Variants in C1QTNF1 observed in about 807,000 individuals in gnomAD.
C1QTNF1 encodes the protein complement C1q tumor necrosis factor-related protein 1.
A neutral mutation model predicts 27.8 loss-of-function variants in C1QTNF1; 22 were observed. The ratio of observed to expected loss-of-function variants is 0.79; its 90% CI spans 0.56 to 1.13. The LOEUF is 1.13. C1QTNF1 is among the 50% of genes most tolerant of loss of function. C1QTNF1 has a pLI of 0.00. For synonymous variants in C1QTNF1, 166 were observed against 154.3 expected, an observed-to-expected ratio of 1.08 and a Z score of -0.56; for missense variants, 373 against 380.2, an observed-to-expected ratio of 0.98 and a Z score of 0.16.
intron 1 of C1QTNF1, chr17:79,043,745 G>T: frequency 1.5e-6 from 1 of 669,248 alleles, no homozygotes; most frequent in Non-Finnish European, 2.7e-6. Flanking sequence ...GTGTGTGCAC[G>T]TGAGTGCGTC....
chr17:79,028,039 C>T (rs763576309), intron 1 of C1QTNF1, among the ~76,000 whole-genome samples: 8 of 152,222 alleles, frequency 5.3e-5, no homozygotes, highest in East Asian at 1.9e-4. Flanking sequence ...GGACGGCCGT[C>T]GGGACGGCTG....
At position 79,047,639 on chromosome 17, in the gene C1QTNF1, T is replaced by A. The variant is rs1343827907; in HGVS notation, c.397T>A (p.Ser133Thr). The change falls in exon 4 of 4, where the codon TCC becomes ACC. Residue 133 changes from serine (S) to threonine (T), a missense_variant. Transcript: ENST00000579760. The part of the protein sequence containing the change: ...GHTGPKGQKG[S>T]MGAPGERCKS... ...CACTGGACCCAAAGGGCAGAAGGGCTCCATGGGGGCCCCTGGGGAGCGGTG... is the reference window on the plus strand; with the variant it reads ...CACTGGACCCAAAGGGCAGAAGGGCACCATGGGGGCCCCTGGGGAGCGGTG... The A allele has an allele frequency of 6.2e-7, 1 of 1,605,660 alleles. No homozygotes were observed. Among genetic ancestry groups the A allele is most frequent in the Non-Finnish European group, 8.5e-7 (1 of 1,174,568 alleles).
In C1QTNF1 at chr17:79,049,086, C is replaced by G. The variant is rs1034648604; in HGVS notation, c.*998C>G. 6.6e-6 allele frequency: 1 copy of G among 152,282 alleles called. No homozygotes were observed. The highest frequency in any genetic ancestry group is 2.4e-5 in the African/African-American group (1 of 41,450). 9.4% of individuals were successfully genotyped at this position (152,282 alleles called of 1,614,324 possible). A position where few individuals can be genotyped will look rare whatever the true frequency, so the allele number is the denominator to read the frequency against. ...GCAGCACTGCAGTCTCCCATCTCCT[C>G]GTGGGCTAAGCATCACCGCTTCCAC... On this transcript the variant is annotated 3_prime_UTR_variant, in exon 4 of 4. Coordinates refer to ENST00000579760, the MANE Select transcript of C1QTNF1 (RefSeq NM_030968.5). This position sits in a 1 kb window ranked among gnomAD's most constrained non-coding sequence, Gnocchi z 4.4.
chr17:79,040,249 C>G (rs2145914434), intron 1 of C1QTNF1, among the ~76,000 whole-genome samples: 1 of 152,292 alleles, frequency 6.6e-6, no homozygotes, highest in East Asian at 1.9e-4. Flanking sequence ...TGCTTGAGCT[C>G]AGGAGTTTGA....
chr17:79,044,553 A>G (rs1304165178), intron 2 of C1QTNF1, among the ~76,000 whole-genome samples: 1 of 152,184 alleles, frequency 6.6e-6, no homozygotes, highest in African/African-American at 2.4e-5. Context: ...GCTGGTGTCC[A>G]TGGCCCACGC....
intron 1 of C1QTNF1, among the ~76,000 whole-genome samples, chr17:79,039,990 A>G (rs1399191946): frequency 1.3e-5 from 2 of 152,176 alleles, no homozygotes; most frequent in Non-Finnish European, 2.9e-5. Context: ...AAACAGAGGA[A>G]ATACAGAAAT....
upstream of C1QTNF1, among the ~76,000 whole-genome samples, chr17:79,023,288 TC>T (rs2145872183): frequency 6.6e-6 from 1 of 152,276 alleles, no homozygotes; most frequent in Non-Finnish European, 1.5e-5. Flanking sequence ...GCTGTTATCA[TC>T]AGAGCTGGCT....
chr17:79,048,487 G>T lies in C1QTNF1; in HGVS notation c.*399G>T, dbSNP rs1371906191. On this transcript the variant is annotated 3_prime_UTR_variant, in exon 4 of 4. Transcript: ENST00000579760. ...GTAAACCGTGGAGGACAAAGAAAAG[G>T]GTTGTTATTTTTGTCTTTCCAGCCA... is the stretch of plus-strand genomic sequence containing the variant. 1 of 172,820 alleles carries T rather than the reference G, an allele frequency of 5.8e-6. No homozygotes were observed. Among genetic ancestry groups the T allele is most frequent in the Non-Finnish European group, 1.2e-5 (1 of 82,308 alleles). 10.7% of individuals were successfully genotyped at this position (172,820 alleles called of 1,614,324 possible).
intron 1 of C1QTNF1, among the ~76,000 whole-genome samples, chr17:79,030,924 A>T (rs2072124135): frequency 6.7e-6 from 1 of 149,002 alleles, no homozygotes; most frequent in South Asian, 2.1e-4. Flanking sequence ...ATGTCAGTAA[A>T]TATTCACCTA....
At chr17:79,034,499 C>T (rs1459791390) in intron 1 of C1QTNF1, 1 of 152,256 alleles carries the variant, frequency 6.6e-6, no homozygotes, top group Non-Finnish European at 1.5e-5. Flanking sequence ...AGGGCCTGGG[C>T]AAAAATTTAC....
At chr17:79,031,159 C>T (rs2072131283) in intron 1 of C1QTNF1, among the ~76,000 whole-genome samples, 1 of 151,328 alleles carries the variant, frequency 6.6e-6, no homozygotes, top group South Asian at 2.1e-4. Context: ...GTGTCTGCCA[C>T]CACGCCCGGC....
At chr17:79,038,503 G>A (rs1435599640) in intron 1 of C1QTNF1, among the ~76,000 whole-genome samples, 1 of 152,168 alleles carries the variant, frequency 6.6e-6, no homozygotes, top group East Asian at 1.9e-4. Flanking sequence ...GAAGGAAAAT[G>A]GTCGCCGAAT....
At chr17:79,025,756 G>A (rs999844220) in intron 1 of C1QTNF1, 5 of 203,998 alleles carry the variant, frequency 2.5e-5, no homozygotes, top group Non-Finnish European at 5.2e-5. Flanking sequence ...GGGGAGGAGG[G>A]AACCAAGACA....
chr17:79,041,356 G>T (rs958545163), intron 1 of C1QTNF1, among the ~76,000 whole-genome samples: 1 of 152,156 alleles, frequency 6.6e-6, no homozygotes, highest in Non-Finnish European at 1.5e-5. Context: ...AGAGGTTCGG[G>T]GGGGCCAGCC....
chr17:79,030,485 T>TTTCTTTC (rs2072102927), intron 1 of C1QTNF1, among the ~76,000 whole-genome samples: 11 of 121,870 alleles, frequency 9.0e-5, no homozygotes, highest in South Asian at 2.7e-4. Flanking sequence ...CTTTCTTTCT[T>TTTCTTTC]TTTCTTTCTT....
Position 79,047,684 on chromosome 17 carries a change from T to C in C1QTNF1, c.442T>C (p.Phe148Leu). The change falls in exon 4 of 4, where the codon TTT becomes CTT. Residue 148 changes from phenylalanine to leucine, a missense_variant. Physicochemically the swap from Phe to Leu is conservative, Grantham distance 22 (BLOSUM62 0). Transcript: ENST00000579760. Reference protein sequence around the residue: ...GERCKSHYAAFSVGRKKPMHS... With the variant: ...GERCKSHYAALSVGRKKPMHS... ...GCGGTGCAAGAGCCACTACGCCGCC[T>C]TTTCGGTGGGCCGGAAGAAGCCCAT... 6.2e-7 allele frequency: 1 copy of C among 1,613,730 alleles called. No homozygotes were observed.
In C1QTNF1 at chr17:79,048,031, G is replaced by A; in HGVS notation, c.789G>A (p.Glu263=). The A allele has an allele frequency of 6.2e-7, 1 of 1,600,510 alleles. No homozygotes were observed. ...GERENAIFSE[E]LDTYITFSGY... ...GTGAGAACGCCATCTTCAGCGAGGA[G>A]CTGGACACCTACATCACCTTCAGTG... The change falls in exon 4 of 4, where the codon GAG becomes GAA. Residue 263 remains glutamate (E), a synonymous_variant. Transcript: ENST00000579760.
At chr17:79,029,485 T>TCAA (rs1471554022) in intron 1 of C1QTNF1, among the ~76,000 whole-genome samples, 14 of 152,134 alleles carry the variant, frequency 9.2e-5, no homozygotes, top group Admixed American at 3.9e-4. Context: ...TCAAGCTCAG[T>TCAA]GGTGTAGGGA....
chr17:79,041,348 A>AGGTTC (rs2072402703), intron 1 of C1QTNF1, among the ~76,000 whole-genome samples: 1 of 151,762 alleles, frequency 6.6e-6, no homozygotes, highest in Non-Finnish European at 1.5e-5. Flanking sequence ...GGGAGGAGAG[A>AGGTTC]GGTTCGGGGG....
Sources: gnomAD v4.1 joint callset for allele counts (sites outside exome capture counted in the v4.1 genomes callset) on GRCh38, gnomAD v4.1.1 for gene constraint, Gnocchi (gnomAD v3.1) non-coding constraint, MANE v1.5 for transcripts, NCBI Gene and HGNC (gene_info 2026-07-23, HGNC 2026-07-21) for gene names.